PCDHA11: variants seen among roughly 807,000 people sequenced by gnomAD.
The protein encoded by PCDHA11 is protocadherin alpha 11, also known as protocadherin alpha-11.
Under a neutral mutation model 70.3 loss-of-function variants are expected in PCDHA11, and 61 were observed. The ratio of observed to expected loss-of-function variants is 0.87; its 90% CI spans 0.71 to 1.07. PCDHA11 has a LOEUF of 1.07. Ranked by LOEUF, PCDHA11 falls within the 50% of genes least tolerant of loss-of-function variation. The pLI is 0.00. For synonymous variants in PCDHA11, 633 were observed against 555.1 expected (o/e 1.14, Z -1.97); for missense variants, 1,324 against 1,237.5 (o/e 1.07, Z -1.05).
chr5:140,991,733 A>T (rs1360500460), intron 3 of PCDHA11, among the ~76,000 whole-genome samples: 1 of 152,136 alleles, frequency 6.6e-6, no homozygotes, highest in African/African-American at 2.4e-5. Flanking sequence ...TGTTCAAGGT[A>T]ATGTAGGCTC....
intron 1 of PCDHA11, among the ~76,000 whole-genome samples, chr5:140,970,698 A>G (rs2096425914): frequency 6.6e-6 from 1 of 152,228 alleles, no homozygotes; most frequent in Non-Finnish European, 1.5e-5. Flanking sequence ...TTTTAGAGCT[A>G]CTACACAATG....
chr5:140,952,615 C>T (rs572552032), intron 1 of PCDHA11, among the ~76,000 whole-genome samples: 1 of 152,288 alleles, frequency 6.6e-6, no homozygotes, highest in East Asian at 1.9e-4. Context: ...TCTCCCTCAT[C>T]TTCCCTCCAC....
chr5:140,989,686 C>T (rs534780216), intron 3 of PCDHA11, among the ~76,000 whole-genome samples: 2 of 152,254 alleles, frequency 1.3e-5, no homozygotes, highest in African/African-American at 4.8e-5. Flanking sequence ...TTCAAAGGAA[C>T]GTGAAAATTT....
intron 1 of PCDHA11, among the ~76,000 whole-genome samples, chr5:140,908,419 A>G (rs782714084): frequency 6.6e-6 from 1 of 152,196 alleles, no homozygotes; most frequent in Non-Finnish European, 1.5e-5. Context: ...TGATGATGGA[A>G]TGCTGCTGTG....
rs1554164906 is a variant in PCDHA11, at chr5:140,870,944, C to A, written c.1841C>A (p.Ala614Glu). The change falls in exon 1 of 4, where the codon GCG becomes GAG. Residue 614 changes from alanine to glutamate, a missense_variant. Transcript: ENST00000398640. ...CTTTCATATGAATTGCAGCCGGCGG[C>A]GGGCGGCTCGCGCATCCCGTTCCGC... ...AWLSYELQPA[A>E]GGSRIPFRVG... The A allele has an allele frequency of 6.2e-7, 1 of 1,613,540 alleles. No homozygotes were observed. The highest frequency in any genetic ancestry group is 1.7e-5 in the Admixed American group (1 of 59,996).
chr5:141,009,746 T>C lies in PCDHA11; in HGVS notation c.2659T>C (p.Phe887Leu). ...CGGTCCCGGTGAGTTGCCCGACAAA[T>C]TCATTATCCCAGGATCTCCTGCAAT... ...QSGPGELPDK[F>L]IIPGSPAIIS... The change falls in exon 4 of 4, where the codon TTC becomes CTC. Residue 887 changes from phenylalanine to leucine, a missense_variant. Transcript: ENST00000398640. 6.2e-7 allele frequency: 1 copy of C among 1,614,062 alleles called. No homozygotes were observed. Among genetic ancestry groups the C allele is most frequent in the Non-Finnish European group, 8.5e-7 (1 of 1,180,018 alleles).
chr5:140,935,921 C>G (rs1480748257), intron 1 of PCDHA11, among the ~76,000 whole-genome samples: 2 of 129,532 alleles, frequency 1.5e-5, no homozygotes, highest in African/African-American at 5.8e-5. Context: ...GAGACAGATT[C>G]TCATTCTGTT....
Position 140,882,649 on chromosome 5 carries a change from C to G in PCDHA11, c.2391+11155C>G, listed in dbSNP as rs559940161. The G allele has an allele frequency of 3.7e-6, 6 of 1,614,096 alleles. No homozygotes were observed. In the Admixed American group the frequency reaches 1.0e-4, roughly 27 times the overall value. On this transcript the variant is annotated intron_variant, in intron 1 of 3. Coordinates refer to ENST00000398640, the MANE Select transcript of PCDHA11 (RefSeq NM_018902.5). ...TGGAGGTGAAGGTGAGGGACATTAACGACAACCCGCCCATATTCCCTGAAA... is the reference window on the plus strand; with the variant it reads ...TGGAGGTGAAGGTGAGGGACATTAAGGACAACCCGCCCATATTCCCTGAAA...
chr5:140,978,701 G>A (rs1240672824), intron 1 of PCDHA11, among the ~76,000 whole-genome samples: 1 of 152,236 alleles, frequency 6.6e-6, no homozygotes, highest in African/African-American at 2.4e-5. Context: ...AAAGCCAAAG[G>A]TGGCCTTTAC....
chr5:140,882,998 C>T, intron 1 of PCDHA11: 1 of 1,614,066 alleles, frequency 6.2e-7, no homozygotes. Context: ...GGAATTTTAC[C>T]AATCCGTTTA....
At chr5:140,880,064 G>C (rs967410421) in intron 1 of PCDHA11, among the ~76,000 whole-genome samples, 2 of 152,148 alleles carry the variant, frequency 1.3e-5, no homozygotes, top group African/African-American at 2.4e-5. Context: ...ACTTTTTGGG[G>C]ACCACAATTC....
chr5:140,882,560 C>G (rs150463901), intron 1 of PCDHA11: 2 of 1,614,168 alleles, frequency 1.2e-6, no homozygotes, highest in African/African-American at 2.7e-5. Context: ...GCTGTGTGGG[C>G]GGAGCGCGGA....
chr5:140,954,360 A>G (rs1203050549), intron 1 of PCDHA11, among the ~76,000 whole-genome samples: 2 of 152,212 alleles, frequency 1.3e-5, no homozygotes, highest in African/African-American at 4.8e-5. Flanking sequence ...GAATCGCCAC[A>G]CAGTCTCCCA....
chr5:140,968,063 G>A, intron 1 of PCDHA11: 1 of 1,614,096 alleles, frequency 6.2e-7, no homozygotes. Flanking sequence ...AGAGCGGGTG[G>A]CTGTCTACAA....
At chr5:140,985,065 G>A (rs189493508) in intron 3 of PCDHA11, among the ~76,000 whole-genome samples, 45 of 152,190 alleles carry the variant, frequency 3.0e-4, no homozygotes, top group Admixed American at 5.2e-4. Context: ...AGCCTCCTGA[G>A]TAGCTGAGAC....
At chr5:140,898,003 G>A (rs2066458535) in intron 1 of PCDHA11, among the ~76,000 whole-genome samples, 1 of 152,152 alleles carries the variant, frequency 6.6e-6, no homozygotes, top group Non-Finnish European at 1.5e-5. Context: ...AGAAGTGTCT[G>A]TTCATATCCT....
intron 1 of PCDHA11, chr5:140,929,130 A>C (rs1554206719): frequency 1.2e-6 from 2 of 1,614,168 alleles, no homozygotes; most frequent in Non-Finnish European, 1.7e-6. Flanking sequence ...ATGTCACTAC[A>C]GTTGAGAGAC....
intron 1 of PCDHA11, chr5:140,882,711 C>T (rs1554175311): frequency 6.2e-7 from 1 of 1,614,160 alleles, no homozygotes; most frequent in Non-Finnish European, 8.5e-7. Context: ...TCTAGACCTC[C>T]GGAAACTCGA....
At chr5:140,884,504 G>C in intron 1 of PCDHA11, 2 of 1,614,180 alleles carry the variant, frequency 1.2e-6, no homozygotes, top group South Asian at 2.2e-5. Flanking sequence ...CAGCGCGGCA[G>C]GGAGTTGGTC....
Sources: gnomAD v4.1 joint callset for allele counts (sites outside exome capture counted in the v4.1 genomes callset) on GRCh38, gnomAD v4.1.1 for gene constraint, MANE v1.5 for transcripts, NCBI Gene and HGNC (gene_info 2026-07-23, HGNC 2026-07-21) for gene names.